Variants in YJU2B observed in about 807,000 individuals in gnomAD.
YJU2B encodes the protein YJU2 splicing factor homolog B.
A neutral mutation model predicts 38.0 loss-of-function variants in YJU2B; 18 were observed. That is an observed-to-expected ratio of 0.47 (90% CI 0.33 to 0.70). The LOEUF is 0.70. YJU2B is among the 30% of genes least tolerant of loss of function. The probability of loss-of-function intolerance (pLI) is 0.02; values close to 1 mark genes in which losing one functional copy is unlikely to be tolerated. For missense variants in YJU2B, 538 were observed against 556.3 expected, an observed-to-expected ratio of 0.97 and a Z score of 0.33; for synonymous variants, 246 against 225.4, an observed-to-expected ratio of 1.09 and a Z score of -0.82.
chr19:13,748,195 G>T (rs1053768714), intron 1 of YJU2B, among the ~76,000 whole-genome samples: 6 of 152,198 alleles, frequency 3.9e-5, no homozygotes, highest in Admixed American at 3.9e-4. Flanking sequence ...TATTATGCCT[G>T]AAGGGTCCTG....
At chr19:13,738,892 CAAAAAAAAA>C (rs527948929) in intron 2 of YJU2B, among the ~76,000 whole-genome samples, 1 of 55,456 alleles carries the variant, frequency 1.8e-5, no homozygotes, top group Admixed American at 2.2e-4. Flanking sequence ...GACTCTGTCT[CAAAAAAAAA>C]AAAAAAAAAA....
At chr19:13,745,692 T>G (rs1454710899), upstream of YJU2B, among the ~76,000 whole-genome samples, 10 of 93,306 alleles carry the variant, frequency 1.1e-4, no homozygotes, top group African/African-American at 1.6e-4. Context: ...GATAGATAGA[T>G]ATAGATATAT....
chr19:13,740,725 T>TG (rs1217381100), intron 2 of YJU2B, among the ~76,000 whole-genome samples: 2 of 152,010 alleles, frequency 1.3e-5, no homozygotes, highest in African/African-American at 4.8e-5. Context: ...TTAGTGGAGA[T>TG]GGGGTTTCAC....
In YJU2B at chr19:13,751,641, C is replaced by T. The variant is rs1178428617; in HGVS notation, c.-168C>T. On this transcript the variant is annotated 5_prime_UTR_variant, in exon 2 of 10. Coordinates refer to ENST00000221554, the MANE Select transcript of YJU2B (RefSeq NM_030818.4). ...CTTTTTGGATGCCTCCTATGCCTGG[C>T]GGGAGTCTTGTCTGAGCTGGCACCA... 6 of 657,184 alleles carry T rather than the reference C, an allele frequency of 9.1e-6. No individual in the cohort carries two copies. The highest frequency in any genetic ancestry group is 1.1e-5 in the Non-Finnish European group (4 of 364,964). The allele number at this position is 657,184 out of a possible 1,614,324, so 40.7% of individuals were successfully genotyped here. A position where few individuals can be genotyped will look rare whatever the true frequency, so the allele number is the denominator to read the frequency against.
intron 2 of YJU2B, among the ~76,000 whole-genome samples, chr19:13,739,378 A>C (rs1973035921): frequency 6.6e-6 from 1 of 152,142 alleles, no homozygotes; most frequent in South Asian, 2.1e-4. Flanking sequence ...TCATTGTCTT[A>C]CTAGTGCATT....
In YJU2B at chr19:13,762,716, G is replaced by T. The variant is rs1568300884; in HGVS notation, c.839G>T (p.Arg280Ile). 1 of 1,607,390 alleles carries T rather than the reference G, an allele frequency of 6.2e-7. No individual in the cohort carries two copies. Among genetic ancestry groups the T allele is most frequent in the Non-Finnish European group, 8.5e-7 (1 of 1,179,588 alleles). Residue 280 changes from arginine to isoleucine, a missense_variant, in exon 10 of 10, where the codon AGA becomes ATA. Transcript: ENST00000221554. ...GVLKKLAQSRRTALATSPITV... is the reference protein window; with the variant it reads ...GVLKKLAQSRITALATSPITV... The stretch of plus-strand genomic sequence containing the variant: ...CTGAAGAAGCTGGCACAGAGCCGCA[G>T]AACCGCGCTTGCCACCTCCCCCATC...
intron 2 of YJU2B, among the ~76,000 whole-genome samples, chr19:13,738,662 CG>C (rs1973015302): frequency 6.6e-6 from 1 of 151,852 alleles, no homozygotes; most frequent in African/African-American, 2.4e-5. Flanking sequence ...GAGGCCGAGG[CG>C]GGCAGATCAC....
At position 13,762,720 on chromosome 19, in the gene YJU2B, C is replaced by T. The variant is rs762714581; in HGVS notation, c.843C>T (p.Thr281=). 8.7e-6 allele frequency: 14 copies of T among 1,607,506 alleles called. No homozygotes were observed. The African/African-American group carries it at 1.5e-4, about 17-fold the overall frequency. Residue 281 remains threonine, a synonymous_variant, in exon 10 of 10, where the codon ACC becomes ACT. Coordinates refer to ENST00000221554, the MANE Select transcript of YJU2B (RefSeq NM_030818.4). ...AGAAGCTGGCACAGAGCCGCAGAAC[C>T]GCGCTTGCCACCTCCCCCATCACCG... is the stretch of plus-strand genomic sequence containing the variant. ...VLKKLAQSRR[T]ALATSPITVG...
rs753098295 is a variant in YJU2B, at chr19:13,762,909, C to G, written c.1032C>G (p.Pro344=). Residue 344 remains proline (P), a synonymous_variant, in exon 10 of 10, where the codon CCC becomes CCG. Transcript: ENST00000221554. ...GTCCTCCGGAAACAACTGAGACCCCCAAGTGCAGCAGCCCGAGGGGGCAGG... is the reference window on the plus strand; with the variant it reads ...GTCCTCCGGAAACAACTGAGACCCCGAAGTGCAGCAGCCCGAGGGGGCAGG... ...GDCPPETTET[P]KCSSPRGQEG... is the part of the protein sequence containing the mutation. The G allele has an allele frequency of 6.2e-7, 1 of 1,611,848 alleles. No homozygotes were observed. The highest frequency in any genetic ancestry group is 8.5e-7 in the Non-Finnish European group (1 of 1,179,724).
upstream of YJU2B, among the ~76,000 whole-genome samples, chr19:13,745,429 G>C: frequency 6.6e-6 from 1 of 151,442 alleles, no homozygotes; most frequent in East Asian, 2.0e-4. Flanking sequence ...TTGGGAGGCC[G>C]AGGTGGGCAG....
upstream of YJU2B, among the ~76,000 whole-genome samples, chr19:13,746,047 T>C (rs1973240257): frequency 6.6e-6 from 1 of 151,578 alleles, no homozygotes; most frequent in South Asian, 2.1e-4. Flanking sequence ...AGGTCAGGAG[T>C]TTGAGACCAG....
At chr19:13,745,682 G>GATAGATAGATAGAC (rs1555699802), upstream of YJU2B, among the ~76,000 whole-genome samples, 1 of 43,956 alleles carries the variant, frequency 2.3e-5, no homozygotes, top group African/African-American at 8.7e-5. Flanking sequence ...TAGATAGATA[G>GATAGATAGATAGAC]ATAGATAGAT....
chr19:13,757,908 A>G (rs1466896121), intron 6 of YJU2B, 62 bp downstream of exon 6: 3 of 1,452,516 alleles, frequency 2.1e-6, no homozygotes, highest in Non-Finnish European at 2.9e-6. Context: ...AGGGGGCTAC[A>G]AAGAGCCTGA....
chr19:13,751,727 AG>A lies in YJU2B; in HGVS notation c.-80del. 2 of 1,458,120 alleles carry A rather than the reference AG, an allele frequency of 1.4e-6. No individual in the cohort carries two copies. Among genetic ancestry groups the A allele is most frequent in the South Asian group, 1.2e-5 (1 of 86,776 alleles). 90.3% of individuals were successfully genotyped at this position (1,458,120 alleles called of 1,614,324 possible). A position where few individuals can be genotyped will look rare whatever the true frequency, so the allele number is the denominator to read the frequency against. ...TGGACCCTCTGCCAGGCTCCACAAG[AG>A]GTCAGGACAGTGCAGTGTGTTCACA... On this transcript the variant is annotated 5_prime_UTR_variant, in exon 2 of 10. Transcript: ENST00000221554.
chr19:13,758,757 G>C, intron 6 of YJU2B, 111 bp from the exon 7 acceptor site: 1 of 1,320,752 alleles, frequency 7.6e-7, no homozygotes, highest in South Asian at 1.3e-5. Context: ...TGGGTGCTCA[G>C]TGAATTTTTG....
intron 1 of YJU2B, among the ~76,000 whole-genome samples, 163 bp downstream of exon 1, chr19:13,748,117 C>T (rs949244849): frequency 6.6e-6 from 1 of 152,180 alleles, no homozygotes; most frequent in Non-Finnish European, 1.5e-5. Flanking sequence ...GGACCAAAGT[C>T]CCTGAGGCCC....
At chr19:13,753,561 T>G (rs190027254) in intron 2 of YJU2B, among the ~76,000 whole-genome samples, 8 of 101,726 alleles carry the variant, frequency 7.9e-5, no homozygotes, top group African/African-American at 2.5e-4. Context: ...GCAACAAGAG[T>G]GAAACTCTGT....
intron 4 of YJU2B, among the ~76,000 whole-genome samples, chr19:13,757,135 T>C (rs1973696103): frequency 6.6e-6 from 1 of 151,566 alleles, no homozygotes; most frequent in African/African-American, 2.4e-5. Context: ...AGCAAGACTC[T>C]GTCTCAAAAA....
chr19:13,739,205 G>A (rs1241418074), intron 2 of YJU2B, among the ~76,000 whole-genome samples: 1 of 151,896 alleles, frequency 6.6e-6, no homozygotes, highest in Non-Finnish European at 1.5e-5. Flanking sequence ...AAGTACCATG[G>A]TGCGATCACA....
Sources: gnomAD v4.1 joint callset for allele counts (sites outside exome capture counted in the v4.1 genomes callset) on GRCh38, gnomAD v4.1.1 for gene constraint, MANE v1.5 for transcripts, NCBI Gene and HGNC (gene_info 2026-07-23, HGNC 2026-07-21) for gene names.